Variants in NELL1 observed in about 807,000 individuals in gnomAD.
NELL1 encodes the protein neural EGFL like 1.
Under a neutral mutation model 107.4 loss-of-function variants are expected in NELL1, and 76 were observed. That is an observed-to-expected ratio of 0.71 (90% CI 0.59 to 0.86). NELL1 has a LOEUF of 0.86. Among genes scored for constraint, NELL1 ranks in the 40% least tolerant of loss-of-function variants. The pLI, the probability that NELL1 is intolerant of heterozygous loss-of-function variation, is 0.00. For missense variants in NELL1, 1,024 were observed against 1,005.5 expected (o/e 1.02, Z -0.25); for synonymous variants, 353 against 341.2 (o/e 1.03, Z -0.38).
At chr11:20,939,577 G>A (rs1850805423) in intron 10 of NELL1, among the ~76,000 whole-genome samples, 1 of 152,174 alleles carries the variant, frequency 6.6e-6, no homozygotes, top group African/African-American at 2.4e-5. Flanking sequence ...AGCTCTGATT[G>A]TTCAGGATGG....
intron 13 of NELL1, among the ~76,000 whole-genome samples, chr11:21,156,204 A>T (rs1410244920): frequency 6.6e-6 from 1 of 152,210 alleles, no homozygotes; most frequent in African/African-American, 2.4e-5. Flanking sequence ...AAAACACAGC[A>T]TCCTAGAAGG....
chr11:21,377,764 G>T (rs1172405483), intron 15 of NELL1, among the ~76,000 whole-genome samples: 1 of 151,932 alleles, frequency 6.6e-6, no homozygotes, highest in Non-Finnish European at 1.5e-5. Context: ...ATTCAGTATT[G>T]GGAGATAATG....
chr11:21,381,908 T>G (rs1006852827), intron 15 of NELL1, among the ~76,000 whole-genome samples: 8 of 35,526 alleles, frequency 2.3e-4, no homozygotes, highest in African/African-American at 7.5e-4. Context: ...GAAGGGATTT[T>G]TTTTTTTTTT....
At chr11:21,271,861 A>G (rs1166501473) in intron 14 of NELL1, among the ~76,000 whole-genome samples, 1 of 152,256 alleles carries the variant, frequency 6.6e-6, no homozygotes, top group Non-Finnish European at 1.5e-5. Flanking sequence ...GCACATCAAA[A>G]GGCTAAAGAA....
chr11:21,227,672 G>A (rs982014002), intron 13 of NELL1, among the ~76,000 whole-genome samples: 7 of 152,100 alleles, frequency 4.6e-5, no homozygotes, highest in Non-Finnish European at 7.4e-5. Flanking sequence ...GGAGTGTGCC[G>A]GAGATGACTT....
intron 15 of NELL1, among the ~76,000 whole-genome samples, chr11:21,424,025 G>A (rs1041106921): frequency 3.9e-5 from 6 of 152,144 alleles, no homozygotes; most frequent in East Asian, 3.9e-4. Flanking sequence ...AGAAAAGTGC[G>A]AAAGATCTCA....
At chr11:20,807,192 C>T (rs1348344344) in intron 3 of NELL1, among the ~76,000 whole-genome samples, 1 of 152,064 alleles carries the variant, frequency 6.6e-6, no homozygotes, top group Non-Finnish European at 1.5e-5. Flanking sequence ...TTTGTGAAGG[C>T]TTTCCAGGTA....
rs1201245190 is a variant in NELL1 at position 20,720,214 on chromosome 11, T to TA, written c.184+42154_184+42155insA. 5.9e-5 allele frequency among the ~76,000 whole-genome samples: 9 copies of TA among 151,376 alleles called. No individual in the cohort carries two copies. In the East Asian group the frequency reaches 1.8e-3, roughly 29 times the overall value. On this transcript the variant is annotated intron_variant, in intron 2 of 19. Coordinates refer to ENST00000357134, the MANE Select transcript of NELL1 (RefSeq NM_006157.5). ...CCAGTTCATTCCTGTTTTTTTTTTT[T>TA]TTCTTTTGAGATGGAGTCTTGCTCT... is the stretch of plus-strand genomic sequence containing the variant.
At chr11:21,351,943 G>A (rs1470786828) in intron 14 of NELL1, among the ~76,000 whole-genome samples, 1 of 152,110 alleles carries the variant, frequency 6.6e-6, no homozygotes, top group Non-Finnish European at 1.5e-5. Context: ...ATGACCGTAG[G>A]AGAACTGATG....
In NELL1 at chr11:21,085,912, G is replaced by A. The variant is rs552067628; in HGVS notation, c.1301-27677G>A. Among the ~76,000 whole-genome samples, 10 of 152,322 alleles carry A rather than the reference G, an allele frequency of 6.6e-5. No homozygotes were observed. The South Asian group carries it at 2.1e-3, about 32-fold the overall frequency. On this transcript the variant is annotated intron_variant, in intron 12 of 19. Transcript: ENST00000357134. The stretch of plus-strand genomic sequence containing the variant: ...TATGTATTTCACAAAAGTGGCTCAG[G>A]CTGTGGGAAGAGTGAACTTTGAGGA...
intron 5 of NELL1, among the ~76,000 whole-genome samples, chr11:20,907,232 CAAAAAAA>C (rs5790146): frequency 5.6e-5 from 7 of 124,944 alleles, no homozygotes; most frequent in Non-Finnish European, 1.2e-4. Context: ...GACTCCATCT[CAAAAAAA>C]AAAAAAAAAA....
chr11:20,742,131 G>A (rs1463851152), intron 2 of NELL1, among the ~76,000 whole-genome samples: 1 of 152,190 alleles, frequency 6.6e-6, no homozygotes, highest in East Asian at 1.9e-4. Context: ...GGAGGACTTT[G>A]CAGTAAGAAG....
At chr11:21,082,768 T>C (rs1854299922) in intron 12 of NELL1, among the ~76,000 whole-genome samples, 1 of 152,238 alleles carries the variant, frequency 6.6e-6, no homozygotes, top group Admixed American at 6.5e-5. Flanking sequence ...ATTCTCACTC[T>C]GTGTCTTAGT....
intron 12 of NELL1, among the ~76,000 whole-genome samples, chr11:21,064,676 G>A (rs1853826186): frequency 6.6e-6 from 1 of 152,142 alleles, no homozygotes; most frequent in Non-Finnish European, 1.5e-5. Context: ...GGAAAGTGGG[G>A]AAGAGTGGAG....
At chr11:20,702,554 G>C (rs1242999599) in intron 2 of NELL1, among the ~76,000 whole-genome samples, 4 of 152,112 alleles carry the variant, frequency 2.6e-5, no homozygotes, top group Non-Finnish European at 5.9e-5. Context: ...ATGTTGAATA[G>C]GAGTGGTGAG....
Position 21,490,870 on chromosome 11 carries a change from C to T in NELL1, c.1646-43504C>T, listed in dbSNP as rs143515498. Reference sequence around the variant, plus strand: ...TGCTATAAAAAACATAAGGAAAACACATCAAAATGTCAGTCTAAGAAAAGA... The same window carrying T: ...TGCTATAAAAAACATAAGGAAAACATATCAAAATGTCAGTCTAAGAAAAGA... On this transcript the variant is annotated intron_variant, in intron 15 of 19. Coordinates refer to ENST00000357134, the MANE Select transcript of NELL1 (RefSeq NM_006157.5). 6.4e-4 allele frequency among the ~76,000 whole-genome samples: 98 copies of T among 152,108 alleles called. 1 individual carries two copies. Among genetic ancestry groups the T allele is most frequent in the African/African-American group, 2.1e-3 (89 of 41,544 alleles).
At chr11:20,777,894 T>C (rs1421039659) in intron 2 of NELL1, among the ~76,000 whole-genome samples, 2 of 152,152 alleles carry the variant, frequency 1.3e-5, no homozygotes, top group African/African-American at 4.8e-5. Context: ...TGTGAACTGG[T>C]GGGGATTCTG....
intron 13 of NELL1, among the ~76,000 whole-genome samples, chr11:21,155,509 G>A (rs1017080539): frequency 2.6e-5 from 4 of 152,124 alleles, no homozygotes; most frequent in African/African-American, 7.2e-5. Context: ...GTAGTTAAGA[G>A]GTAGGAAAAA....
At chr11:21,459,576 G>T (rs1853847040) in intron 15 of NELL1, among the ~76,000 whole-genome samples, 1 of 149,078 alleles carries the variant, frequency 6.7e-6, no homozygotes, top group Non-Finnish European at 1.5e-5. Flanking sequence ...TGTCCTGGAA[G>T]AGATTGAGGA....
Sources: gnomAD v4.1 joint callset for allele counts (sites outside exome capture counted in the v4.1 genomes callset) on GRCh38, gnomAD v4.1.1 for gene constraint, MANE v1.5 for transcripts, NCBI Gene and HGNC (gene_info 2026-07-23, HGNC 2026-07-21) for gene names.